Variants in PCDH9 observed in about 807,000 individuals in gnomAD.
PCDH9 encodes protocadherin 9.
In PCDH9, 24 loss-of-function variants were observed where a neutral mutation model predicts 70.6. The ratio of observed to expected loss-of-function variants is 0.34; its 90% confidence interval spans 0.25 to 0.48. PCDH9 has a LOEUF of 0.48. Among genes scored for constraint, PCDH9 ranks in the 20% least tolerant of loss-of-function variants. PCDH9 has a pLI of 0.99. For synonymous variants in PCDH9, 562 were observed against 558.5 expected (o/e 1.01, Z -0.09); for missense variants, 1,281 against 1,503.6 (o/e 0.85, Z 2.45).
chr13:66,650,850 T>C (rs922191412), intron 3 of PCDH9, among the ~76,000 whole-genome samples: 1 of 151,886 alleles, frequency 6.6e-6, no homozygotes, highest in African/African-American at 2.4e-5. Context: ...CTGATCACAA[T>C]AGAATAAAAC....
At chr13:66,497,732 C>T (rs1452837070) in intron 4 of PCDH9, among the ~76,000 whole-genome samples, 1 of 151,642 alleles carries the variant, frequency 6.6e-6, no homozygotes, top group African/African-American at 2.4e-5. Context: ...GTGTTCCTTA[C>T]ACAGCAGCAA....
chr13:66,552,389 T>G (rs899992874), intron 4 of PCDH9, among the ~76,000 whole-genome samples: 3 of 152,172 alleles, frequency 2.0e-5, no homozygotes, highest in African/African-American at 7.2e-5. Flanking sequence ...GGCTTCCTCC[T>G]ATCTCCGTTT....
chr13:67,035,465 C>G (rs1463101974), intron 2 of PCDH9, among the ~76,000 whole-genome samples: 1 of 151,750 alleles, frequency 6.6e-6, no homozygotes, highest in African/African-American at 2.4e-5. Flanking sequence ...TTCATCATAA[C>G]CTAATGTTTC....
intron 3 of PCDH9, among the ~76,000 whole-genome samples, chr13:66,900,750 C>T (rs543624604): frequency 1.3e-5 from 2 of 151,240 alleles, no homozygotes; most frequent in Non-Finnish European, 3.0e-5. Flanking sequence ...TCATTGACAC[C>T]GAACATGACT....
chr13:66,475,123 C>A (rs1958697558), intron 4 of PCDH9, among the ~76,000 whole-genome samples: 1 of 152,034 alleles, frequency 6.6e-6, no homozygotes, highest in South Asian at 2.1e-4. Context: ...CTGAATATAA[C>A]AACATGCTTT....
At chr13:67,091,497 G>A (rs1002598734) in intron 2 of PCDH9, among the ~76,000 whole-genome samples, 4 of 152,010 alleles carry the variant, frequency 2.6e-5, no homozygotes, top group Non-Finnish European at 5.9e-5. Context: ...TTCTCTTACT[G>A]TTACATGTAG....
At chr13:66,770,677 T>C (rs9571664) in intron 3 of PCDH9, among the ~76,000 whole-genome samples, 44,297 of 152,046 alleles carry the variant, frequency 0.29, 6,721 homozygotes, top group East Asian at 0.43. Flanking sequence ...TTCTTGAAGT[T>C]AATCTGTCCC....
chr13:66,890,731 T>C (rs1374803842), intron 3 of PCDH9, among the ~76,000 whole-genome samples: 1 of 151,866 alleles, frequency 6.6e-6, no homozygotes. Flanking sequence ...CCTAATAGCC[T>C]CCAATATTTT....
chr13:66,821,101 G>C (rs2080704843), intron 3 of PCDH9, among the ~76,000 whole-genome samples: 1 of 151,980 alleles, frequency 6.6e-6, no homozygotes, highest in Admixed American at 6.6e-5. Flanking sequence ...CAAATTTCTA[G>C]TTATTTACAT....
At chr13:66,499,794 A>C (rs150235049) in intron 4 of PCDH9, among the ~76,000 whole-genome samples, 2 of 152,162 alleles carry the variant, frequency 1.3e-5, no homozygotes, top group Non-Finnish European at 2.9e-5. Flanking sequence ...GATCATGGAG[A>C]TGGATCCTTC....
intron 2 of PCDH9, among the ~76,000 whole-genome samples, chr13:67,181,749 A>G (rs17082248): frequency 0.019 from 2,901 of 152,274 alleles, 89 homozygotes; most frequent in African/African-American, 0.065. Flanking sequence ...AAAAGTGACT[A>G]AAAATTAGGC....
At chr13:66,758,379 C>A (rs1339576494) in intron 3 of PCDH9, among the ~76,000 whole-genome samples, 1 of 152,018 alleles carries the variant, frequency 6.6e-6, no homozygotes, top group East Asian at 1.9e-4. Context: ...CTTTGGAAAT[C>A]ACCATTTTAC....
At chr13:67,083,076 A>G (rs1472397105) in intron 2 of PCDH9, among the ~76,000 whole-genome samples, 1 of 152,138 alleles carries the variant, frequency 6.6e-6, no homozygotes, top group African/African-American at 2.4e-5. Context: ...TCACCCTGAA[A>G]AATGTTTTCT....
At chr13:66,950,835 A>T (rs2083167429) in intron 2 of PCDH9, among the ~76,000 whole-genome samples, 1 of 152,120 alleles carries the variant, frequency 6.6e-6, no homozygotes, top group Non-Finnish European at 1.5e-5. Flanking sequence ...TCCACAAGCC[A>T]TCTATCTATC....
At chr13:66,948,627 C>T (rs1011981742) in intron 2 of PCDH9, among the ~76,000 whole-genome samples, 3 of 151,666 alleles carry the variant, frequency 2.0e-5, no homozygotes, top group African/African-American at 4.8e-5. Context: ...AAAATGAATG[C>T]TGTAAAACAG....
intron 4 of PCDH9, among the ~76,000 whole-genome samples, chr13:66,351,456 A>G (rs1202009883): frequency 3.3e-5 from 5 of 152,194 alleles, no homozygotes; most frequent in African/African-American, 4.8e-5. Context: ...GTGAAGGGAA[A>G]GACGTTCGAT....
At chr13:67,218,689 T>C (rs1290475395) in intron 2 of PCDH9, 1 of 152,112 alleles carries the variant, frequency 6.6e-6, no homozygotes, top group East Asian at 1.9e-4. Flanking sequence ...CAATTAAATA[T>C]CCACATAAAT....
intron 2 of PCDH9, among the ~76,000 whole-genome samples, chr13:67,047,463 T>C (rs1326455440): frequency 6.6e-6 from 1 of 152,202 alleles, no homozygotes; most frequent in Non-Finnish European, 1.5e-5. Context: ...ATGCAAACTA[T>C]ATAGTTACAT....
chr13:66,537,129 T>C (rs1246389590), intron 4 of PCDH9, among the ~76,000 whole-genome samples: 3 of 152,110 alleles, frequency 2.0e-5, no homozygotes, highest in Non-Finnish European at 4.4e-5. Flanking sequence ...TTTATGGGAA[T>C]GCCAGAAGCA....
Sources: allele counts gnomAD v4.1 joint callset (sites outside exome capture counted in the v4.1 genomes callset), GRCh38; gene constraint gnomAD v4.1.1; transcripts MANE v1.5; gene names NCBI Gene and HGNC (gene_info 2026-07-23, HGNC 2026-07-21).